Variants in NCAN observed in about 807,000 individuals in gnomAD.
NCAN encodes the protein neurocan core protein.
In NCAN, 47 loss-of-function variants were observed where a neutral mutation model predicts 121.8. The observed-to-expected ratio is 0.39, with a 90% CI of 0.31 to 0.49. The LOEUF is 0.49. NCAN is among the 20% of genes least tolerant of loss of function. The probability of loss-of-function intolerance (pLI) is 0.92; values close to 1 mark genes in which losing one functional copy is unlikely to be tolerated. For synonymous variants in NCAN, 633 were observed against 702.0 expected, an observed-to-expected ratio of 0.90 and a Z score of 1.55; for missense variants, 1,517 against 1,773.4, an observed-to-expected ratio of 0.86 and a Z score of 2.60.
chr19:19,223,995 C>T, intron 3 of NCAN, 26 bp from the exon 4 acceptor site: 1 of 1,497,594 alleles, frequency 6.7e-7, no homozygotes. Context: ...GTCAACTGTC[C>T]CCCCATCCTG....
intron 12 of NCAN, among the ~76,000 whole-genome samples, chr19:19,241,471 C>A (rs1030650880): frequency 2.6e-5 from 4 of 151,902 alleles, no homozygotes; most frequent in Non-Finnish European, 5.9e-5. Context: ...CAAGCCCTCC[C>A]AGACTCTCCA....
chr19:19,212,618 A>G lies in NCAN; in HGVS notation c.-8+554A>G, dbSNP rs932270027. Among the ~76,000 whole-genome samples the G allele has an allele frequency of 6.6e-6, 1 of 152,214 alleles. No individual in the cohort carries two copies. Among genetic ancestry groups the G allele is most frequent in the Non-Finnish European group, 1.5e-5 (1 of 68,036 alleles). ...GGCCATGGGGAAGGGGCTCCCTGCC[A>G]TCTCCCTGTCCTTTTGGGTCAGGTC... On this transcript the variant is annotated intron_variant, in intron 1 of 14. Transcript: ENST00000252575. The surrounding 1 kb of genome is among the most constrained non-coding windows in gnomAD (Gnocchi z 4.5).
intron 1 of NCAN, among the ~76,000 whole-genome samples, chr19:19,213,906 T>C (rs990808232): frequency 1.3e-5 from 2 of 152,046 alleles, no homozygotes; most frequent in African/African-American, 4.8e-5. Context: ...GACTCTCAGG[T>C]CAGAAACACA....
intron 1 of NCAN, among the ~76,000 whole-genome samples, chr19:19,215,951 T>C (rs2146535155): frequency 6.6e-6 from 1 of 152,332 alleles, no homozygotes; most frequent in African/African-American, 2.4e-5. Context: ...CTAAGCATTT[T>C]ATATGTATTG....
At chr19:19,232,138 A>G (rs1029644605) in intron 8 of NCAN, among the ~76,000 whole-genome samples, 3 of 152,006 alleles carry the variant, frequency 2.0e-5, no homozygotes, top group African/African-American at 7.3e-5. Flanking sequence ...TAGGAACACT[A>G]AGGAAACGGG....
intron 1 of NCAN, among the ~76,000 whole-genome samples, chr19:19,213,453 G>A (rs769840225): frequency 6.9e-6 from 1 of 144,406 alleles, no homozygotes; most frequent in Non-Finnish European, 1.5e-5. Flanking sequence ...TGGCATCGCC[G>A]TGTGAGTGAG....
At chr19:19,230,883 CTGTGTGTGTGTG>C (rs367759381) in intron 8 of NCAN, among the ~76,000 whole-genome samples, 1,687 of 121,820 alleles carry the variant, frequency 0.014, 15 homozygotes, top group Middle Eastern at 0.023. Context: ...CCACACCCGG[CTGTGTGTGTGTG>C]TGTGTGTGTG....
rs111651350 is a variant in NCAN at position 19,233,714 on chromosome 19, GC to G, written c.3020-73del. Reference sequence around the variant, plus strand: ...AGGGTTTGATTAGAGTGGTTTGGGGGCCTGGGGTCTTGATTCCAGGAAGGCA... The same window carrying G: ...AGGGTTTGATTAGAGTGGTTTGGGGGCTGGGGTCTTGATTCCAGGAAGGCA... On this transcript the variant is annotated intron_variant, in intron 8 of 14. Coordinates refer to ENST00000252575, the MANE Select transcript of NCAN (RefSeq NM_004386.3). The G allele has an allele frequency of 4.0e-5, 36 of 907,688 alleles. 1 individual carries two copies. Among genetic ancestry groups the G allele is most frequent in the African/African-American group, 3.4e-4 (21 of 61,800 alleles). 56.2% of individuals were successfully genotyped at this position (907,688 alleles called of 1,614,324 possible).
intron 1 of NCAN, 81 bp from the exon 2 acceptor site, chr19:19,216,866 G>C (rs879101410): frequency 6.9e-6 from 5 of 727,222 alleles, no homozygotes; most frequent in Non-Finnish European, 1.0e-5. Context: ...TGTAGAGTGG[G>C]GGAGTTTGGT....
rs185960488 is a variant in NCAN at position 19,225,836 on chromosome 19, C to G, written c.1072+566C>G. ...GGCACCACCTGTACCAGGGGAGGATCCGTCACCAAGGTTGAGTTGAACCCC... is the reference window on the plus strand; with the variant it reads ...GGCACCACCTGTACCAGGGGAGGATGCGTCACCAAGGTTGAGTTGAACCCC... On this transcript the variant is annotated intron_variant, in intron 6 of 14. Coordinates refer to ENST00000252575, the MANE Select transcript of NCAN (RefSeq NM_004386.3). The surrounding 1 kb of genome is among the most constrained non-coding windows in gnomAD (Gnocchi z 4.0). Among the ~76,000 whole-genome samples, 30 of 152,346 alleles carry G rather than the reference C, an allele frequency of 2.0e-4. No individual in the cohort carries two copies. Among genetic ancestry groups the G allele is most frequent in the Admixed American group, 7.8e-4 (12 of 15,306 alleles).
chr19:19,227,128 A>G lies in NCAN; in HGVS notation c.1660+55A>G. 1.3e-6 allele frequency: 2 copies of G among 1,495,818 alleles called. No homozygotes were observed. The highest frequency in any genetic ancestry group is 1.4e-5 in the South Asian group (1 of 72,918). 92.7% of individuals were successfully genotyped at this position (1,495,818 alleles called of 1,614,324 possible). On this transcript the variant is annotated intron_variant, in intron 7 of 14. Transcript: ENST00000252575. The surrounding 1 kb of genome is among the most constrained non-coding windows in gnomAD (Gnocchi z 4.2). ...CCTGGGGATCTGGAGGTGAGGGTAG[A>G]GAGGTAGCCATGGCTACACTCAGAA...
rs773753804 is a variant in NCAN at position 19,228,553 on chromosome 19, C to T, written c.2933C>T (p.Pro978Leu). The T allele has an allele frequency of 1.6e-5, 26 of 1,613,124 alleles. No individual in the cohort carries two copies. Among genetic ancestry groups the T allele is most frequent in the South Asian group, 4.4e-5 (4 of 91,074 alleles). ...DFELEVLAGS[P>L]GVESFWEEVA... ...GAACTGGAGGTCCTGGCAGGGAGCC[C>T]GGGTGTAGAGAGCTTCTGGGAGGAG... Residue 978 changes from proline (P) to leucine (L), a missense_variant, in exon 8 of 15, where the codon CCG (proline) becomes CTG (leucine). By Grantham distance (98) the Pro-to-Leu change is moderately conservative. Transcript: ENST00000252575.
intron 14 of NCAN, 140 bp downstream of exon 14, chr19:19,249,022 A>C (rs2060936554): frequency 2.4e-6 from 2 of 820,494 alleles, no homozygotes; most frequent in Non-Finnish European, 3.9e-6. Context: ...AGAACTTACC[A>C]GCCTGTCTGA....
chr19:19,238,341 G>A lies in NCAN; in HGVS notation c.3339G>A (p.Glu1113=). 6.2e-7 allele frequency: 1 copy of A among 1,614,182 alleles called. No homozygotes were observed. The highest frequency in any genetic ancestry group is 8.5e-7 in the Non-Finnish European group (1 of 1,180,038). Residue 1113 remains glutamate, a synonymous_variant, in exon 11 of 15, where the codon GAG becomes GAA. Coordinates refer to ENST00000252575, the MANE Select transcript of NCAN (RefSeq NM_004386.3). ...ACCGGAGGGCATGGGAAGATGCCGA[G>A]AAGGACTGCCGCCGCCGCTCCGGCC... ...FAHRRAWEDA[E]KDCRRRSGHL... is the part of the protein sequence containing the mutation.
At chr19:19,234,871 A>G in intron 9 of NCAN, 112 bp from the exon 10 acceptor site, 1 of 573,506 alleles carries the variant, frequency 1.7e-6, no homozygotes, top group Non-Finnish European at 3.1e-6. Flanking sequence ...TGCTGCACTT[A>G]GGTCCAGGAT....
rs577595070 is a variant in NCAN, at chr19:19,252,093, A to T, written c.*2182A>T. ...TGCGTGTGCCATGTGCGTGGCACGC[A>T]TATGAGTGTGTGTGCGTGTGAACGG... On this transcript the variant is annotated 3_prime_UTR_variant, in exon 15 of 15. Transcript: ENST00000252575. 1 of 152,986 alleles carries T rather than the reference A, an allele frequency of 6.5e-6. No homozygotes were observed. Among genetic ancestry groups the T allele is most frequent in the Admixed American group, 6.5e-5 (1 of 15,298 alleles). 9.5% of individuals were successfully genotyped at this position (152,986 alleles called of 1,614,324 possible).
chr19:19,241,303 T>C (rs1437671548), intron 12 of NCAN, among the ~76,000 whole-genome samples: 1 of 150,560 alleles, frequency 6.6e-6, no homozygotes. Context: ...TGGTCCATGC[T>C]TGTAATCCCA....
chr19:19,235,328 G>C (rs141368421), intron 10 of NCAN, among the ~76,000 whole-genome samples: 3,757 of 152,160 alleles, frequency 0.025, 133 homozygotes, highest in African/African-American at 0.076. Flanking sequence ...GGAGTGCAGT[G>C]GCGCCATCTC....
At chr19:19,230,771 C>G (rs1007836048) in intron 8 of NCAN, among the ~76,000 whole-genome samples, 2 of 124,038 alleles carry the variant, frequency 1.6e-5, no homozygotes, top group African/African-American at 6.3e-5. Context: ...GTCAGTTGTT[C>G]AGGCTGGAGT....
Sources: allele counts gnomAD v4.1 joint callset (sites outside exome capture counted in the v4.1 genomes callset), GRCh38; gene constraint gnomAD v4.1.1; non-coding constraint Gnocchi (gnomAD v3.1); transcripts MANE v1.5; gene names NCBI Gene and HGNC (gene_info 2026-07-23, HGNC 2026-07-21).